The following CHGB variants were observed in gnomAD, a reference collection of about 807,000 sequenced individuals.
The protein encoded by CHGB is chromogranin B.
In CHGB, 46 loss-of-function variants were observed where a neutral mutation model predicts 69.9. The observed-to-expected ratio is 0.66, with a 90% CI of 0.52 to 0.84. CHGB has a LOEUF of 0.84. Ranked by LOEUF, CHGB falls within the 40% of genes least tolerant of loss-of-function variation. The probability of loss-of-function intolerance (pLI) is 0.00; values close to 1 mark genes in which losing one functional copy is unlikely to be tolerated. For missense variants in CHGB, 796 were observed against 822.2 expected, an observed-to-expected ratio of 0.97 and a Z score of 0.39; for synonymous variants, 312 against 298.2, an observed-to-expected ratio of 1.05 and a Z score of -0.48.
rs1294722386 is a variant in CHGB at position 5,922,867 on chromosome 20, G to A, written c.723G>A (p.Glu241=). 4.3e-6 allele frequency: 7 copies of A among 1,613,820 alleles called. No individual in the cohort carries two copies. Among genetic ancestry groups the A allele is most frequent in the Non-Finnish European group, 5.1e-6 (6 of 1,179,928 alleles). The stretch of plus-strand genomic sequence containing the variant: ...AGAAGAGTAGCCAGGAGAGTGGAGA[G>A]GAGACAGGGAGCCAGGAGAATCACC... ...SREKSSQESG[E]ETGSQENHPQ... is the part of the protein sequence containing the mutation. The change falls in exon 4 of 5, where the codon GAG becomes GAA. Residue 241 remains glutamate, a synonymous_variant. Transcript: ENST00000378961.
Position 5,924,983 on chromosome 20 carries a change from C to A in CHGB, c.1968C>A (p.Leu656=), listed in dbSNP as rs749229701. The change falls in exon 5 of 5, where the codon CTC becomes CTA. Residue 656 remains leucine (L), a synonymous_variant. Transcript: ENST00000378961. Reference sequence around the variant, plus strand: ...TCTGTATTTTCCAGAAAAAAGAACTCGAAAACTTGGCTGCAATGGATTTGG... The same window carrying A: ...TCTGTATTTTCCAGAAAAAAGAACTAGAAAACTTGGCTGCAATGGATTTGG... ...TVLTEDEKKE[L]ENLAAMDLEL... is the part of the protein sequence containing the mutation. 4 of 1,611,722 alleles carry A rather than the reference C, an allele frequency of 2.5e-6. No homozygotes were observed. In the African/African-American group the frequency reaches 4.0e-5, roughly 16 times the overall value.
At chr20:5,920,653 A>G (rs1042986018) in intron 3 of CHGB, among the ~76,000 whole-genome samples, 1 of 152,184 alleles carries the variant, frequency 6.6e-6, no homozygotes, top group African/African-American at 2.4e-5. Context: ...CACATTGAGG[A>G]TTAGGGCTTC....
At chr20:5,922,176 C>G (rs2088517652) in intron 3 of CHGB, among the ~76,000 whole-genome samples, 159 bp from the exon 4 acceptor site, 1 of 152,178 alleles carries the variant, frequency 6.6e-6, no homozygotes, top group African/African-American at 2.4e-5. Flanking sequence ...GCTTTCATAG[C>G]ATTTACTTTC....
chr20:5,916,069 A>C, intron 1 of CHGB: 1 of 485,826 alleles, frequency 2.1e-6, no homozygotes, highest in Non-Finnish European at 3.7e-6. Context: ...GATCATGAGT[A>C]TACAGCTTAA....
intron 1 of CHGB, 92 bp from the exon 2 acceptor site, chr20:5,916,234 C>A: frequency 1.1e-6 from 1 of 924,348 alleles, no homozygotes; most frequent in South Asian, 1.5e-5. Context: ...AGGGGAAAAA[C>A]AACAACTAAT....
chr20:5,924,898 A>C, intron 4 of CHGB, 74 bp from the exon 5 acceptor site: 1 of 854,388 alleles, frequency 1.2e-6, no homozygotes, highest in Non-Finnish European at 2.0e-6. Flanking sequence ...TCCCCTTTGC[A>C]CTCATGCTCC....
At chr20:5,921,920 T>G (rs1389197961) in intron 3 of CHGB, among the ~76,000 whole-genome samples, 19 of 152,218 alleles carry the variant, frequency 1.2e-4, no homozygotes, top group Admixed American at 1.2e-3. Context: ...AACTCCTACT[T>G]GAAGAAAATA....
In CHGB at chr20:5,916,726, A is replaced by C. The variant is rs955210402; in HGVS notation, c.97-100A>C. The C allele has an allele frequency of 2.9e-6, 3 of 1,026,280 alleles. No individual in the cohort carries two copies. The African/African-American group carries it at 4.7e-5, about 16-fold the overall frequency. 63.6% of individuals were successfully genotyped at this position (1,026,280 alleles called of 1,614,324 possible). On this transcript the variant is annotated intron_variant, in intron 2 of 4. Coordinates refer to ENST00000378961, the MANE Select transcript of CHGB (RefSeq NM_001819.3). Reference sequence around the variant, plus strand: ...CGCCCTAAGAATACTGCATCAGCCCAGGTCACGTAATCAAGTCTTCCTTGA... The same window carrying C: ...CGCCCTAAGAATACTGCATCAGCCCCGGTCACGTAATCAAGTCTTCCTTGA...
At position 5,916,898 on chromosome 20, in the gene CHGB, TG is replaced by T. The variant is rs774695208; in HGVS notation, c.170del (p.Cys57SerfsTer5). 2 of 1,614,160 alleles carry T rather than the reference TG, an allele frequency of 1.2e-6. No individual in the cohort carries two copies. Among genetic ancestry groups the T allele is most frequent in the Non-Finnish European group, 1.7e-6 (2 of 1,180,008 alleles). On this transcript the variant is annotated frameshift_variant, in exon 3 of 5. Transcript: ENST00000378961. LOFTEE classifies it high-confidence loss of function. ...KSSAPPITPE[C>X]RQVLKTSRKD... is the part of the protein sequence containing the mutation. Reference sequence around the variant, plus strand: ...CAGCGCTCCACCCATCACCCCTGAGTGCCGCCAAGTCCTGAAGACGAGTAAG... The same window carrying T: ...CAGCGCTCCACCCATCACCCCTGAGTCCGCCAAGTCCTGAAGACGAGTAAG...
Position 5,922,950 on chromosome 20 carries a change from A to T in CHGB, c.806A>T (p.Asp269Val). ...GAAGAATCTGAGGAAGGTGAGGAAG[A>T]TGCCACCTCTGAGGTGGACAAACGA... ...SQEESEEGEE[D>V]ATSEVDKRRT... Residue 269 changes from aspartate (D) to valine (V), a missense_variant, in exon 4 of 5, where the codon GAT (aspartate) becomes GTT (valine). Coordinates refer to ENST00000378961, the MANE Select transcript of CHGB (RefSeq NM_001819.3). 1 of 1,611,598 alleles carries T rather than the reference A, an allele frequency of 6.2e-7. No homozygotes were observed. The highest frequency in any genetic ancestry group is 8.5e-7 in the Non-Finnish European group (1 of 1,178,820).
intron 3 of CHGB, among the ~76,000 whole-genome samples, chr20:5,920,200 T>C (rs1233301129): frequency 6.6e-6 from 1 of 152,148 alleles, no homozygotes; most frequent in Non-Finnish European, 1.5e-5. Context: ...ACATATTTAA[T>C]TGGGAAAAAA....
chr20:5,923,308 C>T lies in CHGB; in HGVS notation c.1164C>T (p.Asn388=). The change falls in exon 4 of 5, where the codon AAC becomes AAT. Residue 388 remains asparagine, a synonymous_variant. Coordinates refer to ENST00000378961, the MANE Select transcript of CHGB (RefSeq NM_001819.3). The stretch of plus-strand genomic sequence containing the variant: ...GTTGGGATGAGGAGGACAAGAGAAA[C>T]TACCCCAGCTTAGAGCTTGATAAGA... ...EESWDEEDKR[N]YPSLELDKMA... 2 of 1,613,596 alleles carry T rather than the reference C, an allele frequency of 1.2e-6. No homozygotes were observed. The highest frequency in any genetic ancestry group is 2.2e-5 in the South Asian group (2 of 91,070).
chr20:5,911,702 C>G lies in CHGB; in HGVS notation c.49+20C>G, dbSNP rs1018713853. 1.1e-5 allele frequency: 15 copies of G among 1,422,548 alleles called. No individual in the cohort carries two copies. The Admixed American group carries it at 1.5e-4, about 14-fold the overall frequency. 88.1% of individuals were successfully genotyped at this position (1,422,548 alleles called of 1,614,324 possible). A position where few individuals can be genotyped will look rare whatever the true frequency, so the allele number is the denominator to read the frequency against. Reference sequence around the variant, plus strand: ...TGGCGGGTGAGTGGGCGCGGCGGGCCGGTCAGCACCGCGGACAGCGCCAGC... The same window carrying G: ...TGGCGGGTGAGTGGGCGCGGCGGGCGGGTCAGCACCGCGGACAGCGCCAGC... On this transcript the variant is annotated intron_variant, in intron 1 of 4. Coordinates refer to ENST00000378961, the MANE Select transcript of CHGB (RefSeq NM_001819.3).
intron 3 of CHGB, among the ~76,000 whole-genome samples, chr20:5,921,117 A>G (rs1210430590): frequency 6.6e-6 from 1 of 152,066 alleles, no homozygotes; most frequent in East Asian, 1.9e-4. Flanking sequence ...TTTTTATCCA[A>G]TTTTTTTCTG....
At position 5,916,839 on chromosome 20, in the gene CHGB, T is replaced by A; in HGVS notation, c.110T>A (p.Ile37Asn). 1 of 1,614,192 alleles carries A rather than the reference T, an allele frequency of 6.2e-7. No individual in the cohort carries two copies. The highest frequency in any genetic ancestry group is 8.5e-7 in the Non-Finnish European group (1 of 1,180,034). Residue 37 changes from isoleucine to asparagine, a missense_variant, in exon 3 of 5, where the codon ATC (isoleucine) becomes AAC (asparagine). Physicochemically the swap from Ile to Asn is moderately radical, Grantham distance 149 (BLOSUM62 -3). Around this residue, in one of 3 missense-constraint regions of CHGB, gnomAD observed 518 missense variants for 506.3 expected, o/e 1.02. Coordinates refer to ENST00000378961, the MANE Select transcript of CHGB (RefSeq NM_001819.3). ...GTTTCCCCCCAGGTGACTCGCTGCA[T>A]CATTGAGGTCCTCTCAAATGCCTTG... Reference protein sequence around the residue: ...NHNEGMVTRCIIEVLSNALSK... With the variant: ...NHNEGMVTRCNIEVLSNALSK...
At chr20:5,920,340 G>T (rs2088506581) in intron 3 of CHGB, among the ~76,000 whole-genome samples, 1 of 152,210 alleles carries the variant, frequency 6.6e-6, no homozygotes, top group Non-Finnish European at 1.5e-5. Flanking sequence ...CTCTCAGAAT[G>T]ACATCAGTAT....
At chr20:5,922,254 A>T in intron 3 of CHGB, 81 bp from the exon 4 acceptor site, 2 of 1,465,748 alleles carry the variant, frequency 1.4e-6, no homozygotes, top group Non-Finnish European at 1.8e-6. Flanking sequence ...TGTCATCAGG[A>T]TTTGTAGTGA....
Position 5,919,570 on chromosome 20 carries a change from A to AT in CHGB, c.190+2656dup, listed in dbSNP as rs1320349257. ...ACAGACTATGTTGTCAAATCTTGGG[A>AT]TTTTTCAAAAGAAGTTAAAATTTTG... On this transcript the variant is annotated intron_variant, in intron 3 of 4. Transcript: ENST00000378961. Among the ~76,000 whole-genome samples, 3 of 152,174 alleles carry AT rather than the reference A, an allele frequency of 2.0e-5. No homozygotes were observed. In the East Asian group the frequency reaches 5.8e-4, roughly 29 times the overall value.
chr20:5,922,967 G>A lies in CHGB; in HGVS notation c.823G>A (p.Asp275Asn). ...TGAGGAAGATGCCACCTCTGAGGTG[G>A]ACAAACGACGCACGAGGCCCAGACA... ...EGEEDATSEVDKRRTRPRHHH... is the reference protein window; with the variant it reads ...EGEEDATSEVNKRRTRPRHHH... The change falls in exon 4 of 5, where the codon GAC becomes AAC. Residue 275 changes from aspartate to asparagine, a missense_variant. Transcript: ENST00000378961. 6.2e-7 allele frequency: 1 copy of A among 1,610,116 alleles called. No homozygotes were observed. Among genetic ancestry groups the A allele is most frequent in the Non-Finnish European group, 8.5e-7 (1 of 1,178,068 alleles).
Sources: gnomAD v4.1 joint callset for allele counts (sites outside exome capture counted in the v4.1 genomes callset) on GRCh38, gnomAD v4.1.1 for gene constraint, gnomAD v4.1.1 regional missense constraint, MANE v1.5 for transcripts, NCBI Gene and HGNC (gene_info 2026-07-23, HGNC 2026-07-21) for gene names.